The following PTK2B variants were observed in gnomAD, a reference collection of about 807,000 sequenced individuals.
PTK2B encodes the protein protein tyrosine kinase 2 beta.
A neutral mutation model predicts 142.9 loss-of-function variants in PTK2B; 71 were observed. The observed-to-expected ratio is 0.50, with a 90% CI of 0.41 to 0.61. The LOEUF is 0.61. PTK2B is among the 20% of genes least tolerant of loss of function. The pLI, the probability that PTK2B is intolerant of heterozygous loss-of-function variation, is 0.00. For synonymous variants in PTK2B, 519 were observed against 503.4 expected, an observed-to-expected ratio of 1.03 and a Z score of -0.42; for missense variants, 1,105 against 1,320.4, an observed-to-expected ratio of 0.84 and a Z score of 2.53.
intron 1 of PTK2B, among the ~76,000 whole-genome samples, chr8:27,391,592 T>C: frequency 6.6e-6 from 1 of 152,232 alleles, no homozygotes; most frequent in African/African-American, 2.4e-5. Flanking sequence ...ATCTCCCCTG[T>C]GCCAGGGGCA....
chr8:27,340,530 T>C (rs1180404854), intron 1 of PTK2B, among the ~76,000 whole-genome samples: 1 of 152,180 alleles, frequency 6.6e-6, no homozygotes, highest in Non-Finnish European at 1.5e-5. Flanking sequence ...TGGCTTAGTG[T>C]TGGACATCAT....
rs1329843311 is a variant in PTK2B at position 27,432,307 on chromosome 8, C to T, written c.933C>T (p.Leu311=). The part of the protein sequence containing the change: ...EFKQIRSIRC[L]PLEEGQAVLQ... ...AGCAGATCAGGTCCATCAGGTGCCT[C>T]CCGCTGGAGGAGGGCCAGGCAGTAC... The change falls in exon 10 of 31, where the codon CTC becomes CTT. Residue 311 remains leucine (L), a synonymous_variant. Transcript: ENST00000346049. 12 of 1,613,986 alleles carry T rather than the reference C, an allele frequency of 7.4e-6. No homozygotes were observed. The East Asian group carries it at 1.1e-4, about 15-fold the overall frequency.
intron 1 of PTK2B, among the ~76,000 whole-genome samples, chr8:27,386,525 C>T (rs1019380370): frequency 1.3e-5 from 2 of 152,110 alleles, no homozygotes; most frequent in African/African-American, 4.8e-5. Flanking sequence ...GCATTTTCAA[C>T]TGCTGAGGGC....
At chr8:27,313,667 A>G (rs1803032273) in intron 3 of PTK2B, among the ~76,000 whole-genome samples, 1 of 152,126 alleles carries the variant, frequency 6.6e-6, no homozygotes, top group African/African-American at 2.4e-5. Flanking sequence ...ACACATGCCC[A>G]TCTGAGGCTT....
At chr8:27,427,552 A>T (rs1427311325) in intron 5 of PTK2B, among the ~76,000 whole-genome samples, 3 of 152,322 alleles carry the variant, frequency 2.0e-5, no homozygotes, top group African/African-American at 7.2e-5. Flanking sequence ...GTTAGAATTA[A>T]ATAGTTGTGT....
At chr8:27,434,031 A>G in intron 11 of PTK2B, 62 bp from the exon 12 acceptor site, 1 of 1,558,966 alleles carries the variant, frequency 6.4e-7, no homozygotes, top group Non-Finnish European at 8.8e-7. Flanking sequence ...TGAGGAGGTC[A>G]GTCACCCATC....
In PTK2B at chr8:27,402,889, C is replaced by T. The variant is rs572550168; in HGVS notation, c.204+5101C>T. On this transcript the variant is annotated intron_variant, in intron 2 of 30. Transcript: ENST00000346049. ...TTCTTGCCTTTCTCCAAAGTATTTT[C>T]CATTGTGTATCCCAAGTTATCTCTA... Among the ~76,000 whole-genome samples, 3 of 152,336 alleles carry T rather than the reference C, an allele frequency of 2.0e-5. No homozygotes were observed. In the East Asian group the frequency reaches 5.8e-4, roughly 29 times the overall value.
At chr8:27,415,401 G>A (rs981172006) in intron 2 of PTK2B, among the ~76,000 whole-genome samples, 2 of 152,120 alleles carry the variant, frequency 1.3e-5, no homozygotes, top group Non-Finnish European at 2.9e-5. Flanking sequence ...ACACAGATTT[G>A]TTAATAAAAT....
In PTK2B at chr8:27,420,810, TTC is replaced by T. The variant is rs1351603437; in HGVS notation, c.471+71_471+72del. The T allele has an allele frequency of 2.1e-6, 3 of 1,419,040 alleles. No homozygotes were observed. In the African/African-American group the frequency reaches 4.2e-5, roughly 20 times the overall value. 87.9% of individuals were successfully genotyped at this position (1,419,040 alleles called of 1,614,324 possible). A position where few individuals can be genotyped will look rare whatever the true frequency, so the allele number is the denominator to read the frequency against. The stretch of plus-strand genomic sequence containing the variant: ...CACCTCAAATGCCAAGCATGAACCG[TTC>T]TCTCCTAGGGAGATGGAAAGACAAA... On this transcript the variant is annotated intron_variant, in intron 4 of 30. Coordinates refer to ENST00000346049, the MANE Select transcript of PTK2B (RefSeq NM_173176.3).
chr8:27,392,710 C>T (rs1365035113), intron 1 of PTK2B, among the ~76,000 whole-genome samples: 1 of 152,162 alleles, frequency 6.6e-6, no homozygotes, highest in Non-Finnish European at 1.5e-5. Flanking sequence ...AGATGCCTTC[C>T]TTTCATGGAA....
rs747438751 is a variant in PTK2B, at chr8:27,454,174, C to T, written c.2616C>T (p.Asn872=). The change falls in exon 29 of 31, where the codon AAC becomes AAT. Residue 872 remains asparagine, a synonymous_variant. Transcript: ENST00000346049. ...CTCAGTCCATCCAGCCCACAGCTAA[C>T]CTGGACCGGACTGATGACCTGGTGT... The part of the protein sequence containing the change: ...LGAQSIQPTA[N]LDRTDDLVYL... The T allele has an allele frequency of 6.2e-7, 1 of 1,614,170 alleles. No individual in the cohort carries two copies. The highest frequency in any genetic ancestry group is 8.5e-7 in the Non-Finnish European group (1 of 1,180,016).
chr8:27,426,830 G>A (rs536422362), intron 5 of PTK2B, among the ~76,000 whole-genome samples: 1 of 152,250 alleles, frequency 6.6e-6, no homozygotes, highest in African/African-American at 2.4e-5. Context: ...CTACCACCTT[G>A]ATCATGCTAA....
chr8:27,388,957 A>C (rs1586215337), intron 1 of PTK2B, among the ~76,000 whole-genome samples: 1 of 151,706 alleles, frequency 6.6e-6, no homozygotes, highest in East Asian at 1.9e-4. Context: ...CCCCTCACCC[A>C]CCCTCTTCAC....
intron 1 of PTK2B, among the ~76,000 whole-genome samples, chr8:27,381,619 A>G (rs1191855355): frequency 1.3e-5 from 2 of 152,222 alleles, no homozygotes; most frequent in African/African-American, 4.8e-5. Context: ...GTGGACGTGC[A>G]GATATCTCTT....
intron 5 of PTK2B, among the ~76,000 whole-genome samples, chr8:27,429,733 A>G (rs141367660): frequency 4.6e-5 from 7 of 152,326 alleles, no homozygotes; most frequent in Admixed American, 1.3e-4. Context: ...AGAGCCCCCC[A>G]GGACCTGCAG....
intron 1 of PTK2B, among the ~76,000 whole-genome samples, chr8:27,373,519 G>C (rs958877745): frequency 2.6e-5 from 4 of 151,966 alleles, no homozygotes; most frequent in Non-Finnish European, 4.4e-5. Context: ...AGTTTATCCC[G>C]ACATTTAAAA....
chr8:27,434,464 A>G (rs371515606), intron 12 of PTK2B, 49 bp from the exon 13 acceptor site: 199 of 1,575,038 alleles, frequency 1.3e-4, no homozygotes, highest in Non-Finnish European at 1.6e-4. Flanking sequence ...CCAGGGGAAC[A>G]TTACCGGCCT....
intron 27 of PTK2B, chr8:27,452,822 T>C (rs1334640361): frequency 1.9e-6 from 1 of 518,308 alleles, no homozygotes; most frequent in East Asian, 3.1e-5. Context: ...TTAGGCCTGG[T>C]GTCCATCAGG....
chr8:27,364,823 C>T (rs1805921936), intron 1 of PTK2B, among the ~76,000 whole-genome samples: 1 of 152,200 alleles, frequency 6.6e-6, no homozygotes, highest in African/African-American at 2.4e-5. Flanking sequence ...CATCTTCCTT[C>T]ATCTACTCCT....
Sources: allele counts gnomAD v4.1 joint callset (sites outside exome capture counted in the v4.1 genomes callset), GRCh38; gene constraint gnomAD v4.1.1; transcripts MANE v1.5; gene names NCBI Gene and HGNC (gene_info 2026-07-23, HGNC 2026-07-21).